Variants in SLC25A48 observed in about 807,000 individuals in gnomAD.
SLC25A48 encodes solute carrier family 25 member 48, also known as CTC-321K16.1.
In SLC25A48, 29 loss-of-function variants were observed where a neutral mutation model predicts 32.2. The ratio of observed to expected loss-of-function variants is 0.90; its 90% CI spans 0.67 to 1.23. The LOEUF is 1.23. Among genes scored for constraint, SLC25A48 ranks in the 50% most tolerant of loss-of-function variants. The pLI is 0.00. For missense variants in SLC25A48, 399 were observed against 422.7 expected (o/e 0.94, Z 0.49); for synonymous variants, 164 against 172.3 (o/e 0.95, Z 0.38).
chr5:135,884,635 G>A (rs1371696932), intron 7 of SLC25A48, among the ~76,000 whole-genome samples: 2 of 152,160 alleles, frequency 1.3e-5, no homozygotes, highest in African/African-American at 2.4e-5. Context: ...GGGTGGGCAC[G>A]GAGGATGCGA....
intron 1 of SLC25A48, among the ~76,000 whole-genome samples, chr5:135,598,647 A>G (rs531993215): frequency 5.3e-5 from 8 of 152,360 alleles, no homozygotes; most frequent in Non-Finnish European, 8.8e-5. Flanking sequence ...CTAAGTATAT[A>G]AATATATTCA....
chr5:135,837,234 G>T (rs1031084178), intron 1 of SLC25A48, among the ~76,000 whole-genome samples: 2 of 152,078 alleles, frequency 1.3e-5, no homozygotes. Flanking sequence ...ACTGGGAAGG[G>T]TTAATTACTG....
intron 1 of SLC25A48, 102 bp downstream of exon 1, chr5:135,834,995 T>A: frequency 7.2e-7 from 1 of 1,383,552 alleles, no homozygotes; most frequent in East Asian, 2.5e-5. Flanking sequence ...GCCATCCCGC[T>A]CCCCGTTGTG....
chr5:135,631,855 A>G lies in SLC25A48; in HGVS notation c.-709+2479A>G, dbSNP rs144621700. Among the ~76,000 whole-genome samples, 285 of 152,316 alleles carry G rather than the reference A, an allele frequency of 1.9e-3. 2 individuals are homozygous for G. The highest frequency in any genetic ancestry group is 6.7e-3 in the African/African-American group (279 of 41,574). ...TTTCTCAATCCCATCTTTAGTGTAA[A>G]TTTAAATGGGTGTAACTTCCTGTGG... is the stretch of plus-strand genomic sequence containing the variant. On this transcript the variant is annotated intron_variant, in intron 2 of 10. Transcript: ENST00000646290.
At chr5:135,849,723 G>A (rs1039801959) in intron 2 of SLC25A48, among the ~76,000 whole-genome samples, 4 of 152,198 alleles carry the variant, frequency 2.6e-5, no homozygotes, top group Non-Finnish European at 4.4e-5. Flanking sequence ...GCTGGAGGAA[G>A]AGCCTTCCAG....
chr5:135,610,824 A>G (rs1009189206), intron 1 of SLC25A48, among the ~76,000 whole-genome samples: 13 of 152,268 alleles, frequency 8.5e-5, no homozygotes, highest in Non-Finnish European at 1.8e-4. Flanking sequence ...TAAGACTTTA[A>G]TCTTACTCAT....
chr5:135,852,538 C>G, intron 3 of SLC25A48, 25 bp from the exon 4 acceptor site: 1 of 1,576,664 alleles, frequency 6.3e-7, no homozygotes, highest in South Asian at 1.2e-5. Flanking sequence ...GTCCTCACGC[C>G]TCTTCCTTCT....
At chr5:135,870,183 C>G (rs998427805) in intron 4 of SLC25A48, among the ~76,000 whole-genome samples, 4 of 152,192 alleles carry the variant, frequency 2.6e-5, no homozygotes, top group African/African-American at 7.2e-5. Flanking sequence ...GATTGGAACA[C>G]TGTACAGAGA....
intron 7 of SLC25A48, among the ~76,000 whole-genome samples, chr5:135,887,519 G>A (rs1272632528): frequency 3.3e-5 from 5 of 151,532 alleles, no homozygotes; most frequent in Admixed American, 6.6e-5. Context: ...CATATCCCTC[G>A]CCCAAAGGCT....
intron 3 of SLC25A48, among the ~76,000 whole-genome samples, chr5:135,690,768 C>G (rs528405623): frequency 1.3e-5 from 2 of 152,270 alleles, no homozygotes; most frequent in African/African-American, 4.8e-5. Context: ...AATTTTGAAT[C>G]CAGAAACAGG....
intron 3 of SLC25A48, among the ~76,000 whole-genome samples, chr5:135,785,433 C>T (rs764109904): frequency 2.0e-5 from 3 of 149,310 alleles, no homozygotes; most frequent in Admixed American, 6.6e-5. Flanking sequence ...ACTCCCTATG[C>T]GGCGGGAGGT....
chr5:135,766,427 C>A (rs376293477), intron 3 of SLC25A48, among the ~76,000 whole-genome samples: 1 of 151,100 alleles, frequency 6.6e-6, no homozygotes, highest in African/African-American at 2.4e-5. Context: ...TTCATAATAT[C>A]CAGGGAGGGA....
intron 3 of SLC25A48, among the ~76,000 whole-genome samples, chr5:135,656,464 C>T (rs703250): frequency 0.3 from 45,715 of 151,964 alleles, 7,327 homozygotes; most frequent in East Asian, 0.62. Context: ...CTGCCATCCT[C>T]CCAGGACACT....
At position 135,871,324 on chromosome 5, in the gene SLC25A48, A is replaced by G. The variant is rs1206818887; in HGVS notation, c.422-137A>G. ...CTCAGTATCCTGGTTTGAGCTGCCA[A>G]GAAGGTCAGATTTGGTAAAAGCTGA... On this transcript the variant is annotated intron_variant, in intron 4 of 7. Transcript: ENST00000681962. 3.8e-6 allele frequency: 4 copies of G among 1,058,834 alleles called. No individual in the cohort carries two copies. The African/African-American group carries it at 6.4e-5, about 17-fold the overall frequency. The allele number at this position is 1,058,834 out of a possible 1,614,324, so 65.6% of individuals were successfully genotyped here.
chr5:135,785,941 A>G (rs1756835925), intron 3 of SLC25A48, among the ~76,000 whole-genome samples: 1 of 145,512 alleles, frequency 6.9e-6, no homozygotes, highest in Non-Finnish European at 1.5e-5. Flanking sequence ...TTGTAAATCA[A>G]TGGGGAAAGG....
rs186117918 is a variant in SLC25A48 at position 135,647,713 on chromosome 5, C to T, written c.-521+12757C>T. Among the ~76,000 whole-genome samples the T allele has an allele frequency of 1.7e-4, 26 of 152,292 alleles. No homozygotes were observed. The East Asian group carries it at 4.1e-3, about 24-fold the overall frequency. On this transcript the variant is annotated intron_variant, in intron 3 of 10. Coordinates refer to the SLC25A48 transcript ENST00000646290. ...AGGGAAGGGGTCACTTTCTGTTTTC[C>T]TGAGGCTCTTAAGCCAGCCTTTGGG...
chr5:135,680,366 C>G (rs1753865739), intron 3 of SLC25A48, among the ~76,000 whole-genome samples: 1 of 152,172 alleles, frequency 6.6e-6, no homozygotes, highest in African/African-American at 2.4e-5. Flanking sequence ...ATTTGACTTG[C>G]TAATTTCCAC....
intron 1 of SLC25A48, among the ~76,000 whole-genome samples, chr5:135,596,797 C>T (rs903621743): frequency 3.9e-5 from 6 of 152,308 alleles, no homozygotes; most frequent in Admixed American, 2.0e-4. Flanking sequence ...TCCCTCCATA[C>T]TGATTGCACT....
chr5:135,710,621 T>A (rs1046235005), intron 3 of SLC25A48, among the ~76,000 whole-genome samples: 3 of 152,262 alleles, frequency 2.0e-5, no homozygotes, highest in African/African-American at 4.8e-5. Context: ...ATGGGCATAT[T>A]AATGAATGCA....
Sources: allele counts gnomAD v4.1 joint callset (sites outside exome capture counted in the v4.1 genomes callset), GRCh38; gene constraint gnomAD v4.1.1; transcripts MANE v1.5; gene names NCBI Gene and HGNC (gene_info 2026-07-23, HGNC 2026-07-21).